CNOT6L: variants seen among roughly 807,000 people sequenced by gnomAD.
The protein encoded by CNOT6L is CCR4-NOT transcription complex subunit 6-like.
In CNOT6L, 7 loss-of-function variants were observed where a neutral mutation model predicts 64.0. The observed-to-expected ratio is 0.11, with a 90% CI of 0.06 to 0.21. The LOEUF (loss-of-function observed/expected upper bound fraction) is 0.21, where lower values mean the gene tolerates loss of function less well. Among genes scored for constraint, CNOT6L ranks in the 10% least tolerant of loss-of-function variants. The pLI, the probability that CNOT6L is intolerant of heterozygous loss-of-function variation, is 1.00. For missense variants in CNOT6L, 245 were observed against 669.0 expected (o/e 0.37, Z 6.99); for synonymous variants, 193 against 243.4 (o/e 0.79, Z 1.93).
chr4:77,760,860 C>CTTTTTTTTTTTT lies in CNOT6L; in HGVS notation c.401-3921_401-3910dup, dbSNP rs754195745. 1.9e-3 allele frequency among the ~76,000 whole-genome samples: 58 copies of CTTTTTTTTTTTT among 29,980 alleles called. 13 individuals carry two copies. The highest frequency in any genetic ancestry group is 2.2e-3 in the Non-Finnish European group (39 of 17,602). The allele number at this position is 29,980 out of a possible 152,430, so 19.7% of individuals were successfully genotyped here. A position where few individuals can be genotyped will look rare whatever the true frequency, so the allele number is the denominator to read the frequency against. ...TACAGGTGCACACCACCATGCCTGG[C>CTTTTTTTTTTTT]TTTTTTTTTTTTTTTTTTTTTTTTT... On this transcript the variant is annotated intron_variant, in intron 4 of 11. Transcript: ENST00000504123.
At chr4:77,793,565 GCCCCC>G (rs1730426405) in intron 1 of CNOT6L, among the ~76,000 whole-genome samples, 1 of 152,108 alleles carries the variant, frequency 6.6e-6, no homozygotes, top group African/African-American at 2.4e-5. Flanking sequence ...ACATCATGCT[GCCCCC>G]GTCTCTTATG....
rs746247372 is a variant in CNOT6L, at chr4:77,728,990, G to C, written c.1116C>G (p.Leu372=). The C allele has an allele frequency of 6.2e-7, 1 of 1,613,794 alleles. No homozygotes were observed. Among genetic ancestry groups the C allele is most frequent in the East Asian group, 2.2e-5 (1 of 44,878 alleles). Residue 372 remains leucine, a synonymous_variant, in exon 10 of 12, where the codon CTC becomes CTG. Coordinates refer to ENST00000504123, the MANE Select transcript of CNOT6L (RefSeq NM_144571.3). ...CTGAGACAAACATCATGGTCTGGAT[G>C]AGCTTCACATCAGAATACTCTGGGT... ...HWDPEYSDVK[L]IQTMMFVSEV...
At chr4:77,786,736 CA>C (rs1165848272) in intron 1 of CNOT6L, among the ~76,000 whole-genome samples, 1 of 151,386 alleles carries the variant, frequency 6.6e-6, no homozygotes, top group African/African-American at 2.4e-5. Flanking sequence ...CTTGGCCTCC[CA>C]AAGTGCTGTG....
At chr4:77,744,467 C>T (rs921517358) in intron 7 of CNOT6L, among the ~76,000 whole-genome samples, 2 of 151,436 alleles carry the variant, frequency 1.3e-5, no homozygotes, top group Admixed American at 6.6e-5. Context: ...TTAACATGAA[C>T]GGGTAAGATT....
rs141444318 is a variant in CNOT6L, at chr4:77,762,096, G to C, written c.401-5145C>G. ...AGCAAAGAAGATCTGTGTAAATGAA[G>C]AGCTATACTGGAGTGAAAGACTCAG... On this transcript the variant is annotated intron_variant, in intron 4 of 11. Transcript: ENST00000504123. Among the ~76,000 whole-genome samples the C allele has an allele frequency of 1.2e-4, 18 of 152,220 alleles. No homozygotes were observed. The East Asian group carries it at 3.5e-3, about 29-fold the overall frequency.
At chr4:77,763,358 G>A (rs891839993) in intron 4 of CNOT6L, among the ~76,000 whole-genome samples, 14 of 151,922 alleles carry the variant, frequency 9.2e-5, no homozygotes, top group African/African-American at 2.9e-4. Flanking sequence ...AAGAAAATTG[G>A]CATAGCTATA....
chr4:77,790,753 G>A (rs954345566), intron 1 of CNOT6L, among the ~76,000 whole-genome samples: 6 of 150,370 alleles, frequency 4.0e-5, no homozygotes, highest in Non-Finnish European at 8.9e-5. Context: ...CCAGGCTAGA[G>A]TTCTCCTGCC....
rs1479301657 is a variant in CNOT6L at position 77,718,917 on chromosome 4, C to G, written c.*1514G>C. 1 of 152,456 alleles carries G rather than the reference C, an allele frequency of 6.6e-6. No individual in the cohort carries two copies. Among genetic ancestry groups the G allele is most frequent in the Admixed American group, 6.6e-5 (1 of 15,246 alleles). The allele number at this position is 152,456 out of a possible 1,614,324, so 9.4% of individuals were successfully genotyped here. On this transcript the variant is annotated 3_prime_UTR_variant, in exon 12 of 12. Coordinates refer to ENST00000504123, the MANE Select transcript of CNOT6L (RefSeq NM_144571.3). ...GTGAGACACAAATATAGGCTATTGT[C>G]TTTTAAAATTTCATTCACATAATGG...
chr4:77,796,787 A>C (rs577622123), intron 1 of CNOT6L, among the ~76,000 whole-genome samples: 17 of 152,196 alleles, frequency 1.1e-4, no homozygotes, highest in African/African-American at 3.9e-4. Context: ...TTTTCAACAA[A>C]ACTGCCAAGG....
At chr4:77,808,462 C>CAAAAA (rs1191618329) in intron 1 of CNOT6L, among the ~76,000 whole-genome samples, 1 of 59,718 alleles carries the variant, frequency 1.7e-5, no homozygotes, top group Non-Finnish European at 3.4e-5. Flanking sequence ...TCTGCCATCT[C>CAAAAA]AAAAAAAAAA....
intron 1 of CNOT6L, chr4:77,818,920 G>A (rs1048741951): frequency 1.6e-5 from 9 of 573,496 alleles, no homozygotes; most frequent in Admixed American, 2.4e-5. Context: ...GCTGCCGCGC[G>A]TGTGCCGCAC....
intron 1 of CNOT6L, among the ~76,000 whole-genome samples, chr4:77,789,671 C>G (rs1467939689): frequency 6.6e-6 from 1 of 150,990 alleles, no homozygotes; most frequent in Non-Finnish European, 1.5e-5. Context: ...AAAAAAAAAG[C>G]CAAGCATGAT....
chr4:77,818,908 C>T, intron 1 of CNOT6L: 1 of 551,916 alleles, frequency 1.8e-6, no homozygotes, highest in Non-Finnish European at 3.4e-6. Context: ...TCTCCCAGCC[C>T]CGCTGCCGCG....
intron 1 of CNOT6L, among the ~76,000 whole-genome samples, chr4:77,817,262 C>T (rs1043576339): frequency 3.3e-5 from 5 of 151,660 alleles, no homozygotes; most frequent in African/African-American, 1.2e-4. Context: ...AATAACTAGG[C>T]TATTTTAATG....
upstream of CNOT6L, chr4:77,819,486 G>A (rs2110208454): frequency 7.4e-7 from 1 of 1,346,864 alleles, no homozygotes; most frequent in Non-Finnish European, 1.0e-6. Flanking sequence ...CGCCCGCCCC[G>A]AGGGGAAGCC....
intron 11 of CNOT6L, 146 bp from the exon 12 acceptor site, chr4:77,720,789 A>C: frequency 1.4e-6 from 1 of 703,048 alleles, no homozygotes; most frequent in East Asian, 2.8e-5. Flanking sequence ...CAAATATTCA[A>C]TGGGTATTAC....
intron 5 of CNOT6L, among the ~76,000 whole-genome samples, chr4:77,749,947 T>C (rs898143887): frequency 1.3e-5 from 2 of 152,190 alleles, no homozygotes; most frequent in African/African-American, 4.8e-5. Context: ...CATTACAGCA[T>C]TGTTTATATT....
At chr4:77,798,907 A>C (rs774079489) in intron 1 of CNOT6L, among the ~76,000 whole-genome samples, 2 of 151,960 alleles carry the variant, frequency 1.3e-5, no homozygotes, top group South Asian at 2.1e-4. Flanking sequence ...TGAGCCTGGG[A>C]GGTCAAGGCT....
At chr4:77,777,495 G>A (rs1475213933) in intron 1 of CNOT6L, among the ~76,000 whole-genome samples, 2 of 152,098 alleles carry the variant, frequency 1.3e-5, no homozygotes, top group African/African-American at 4.8e-5. Context: ...GGCTCTAAAG[G>A]TAACCTTATT....
Sources: allele counts gnomAD v4.1 joint callset (sites outside exome capture counted in the v4.1 genomes callset), GRCh38; gene constraint gnomAD v4.1.1; transcripts MANE v1.5; gene names NCBI Gene and HGNC (gene_info 2026-07-23, HGNC 2026-07-21).